ZNF483: variants seen among roughly 807,000 people sequenced by gnomAD.
ZNF483 encodes the protein zinc finger protein 483.
A neutral mutation model predicts 28.6 loss-of-function variants in ZNF483; 9 were observed. The ratio of observed to expected loss-of-function variants is 0.32; its 90% CI spans 0.19 to 0.55. The LOEUF is 0.55. ZNF483 is among the 20% of genes least tolerant of loss of function. The pLI, the probability that ZNF483 is intolerant of heterozygous loss-of-function variation, is 0.93. For synonymous variants in ZNF483, 322 were observed against 306.2 expected, an observed-to-expected ratio of 1.05 and a Z score of -0.54; for missense variants, 675 against 871.7, an observed-to-expected ratio of 0.77 and a Z score of 2.84.
intron 1 of ZNF483, among the ~76,000 whole-genome samples, chr9:111,526,986 G>C (rs1397188928): frequency 6.6e-6 from 1 of 151,954 alleles, no homozygotes; most frequent in Non-Finnish European, 1.5e-5. Context: ...TATAATCCCA[G>C]CTACTCAAGA....
At chr9:111,529,194 C>T (rs560930195) in intron 2 of ZNF483, among the ~76,000 whole-genome samples, 1 of 151,366 alleles carries the variant, frequency 6.6e-6, no homozygotes, top group East Asian at 1.9e-4. Context: ...TTCTTAAATT[C>T]ACCCCACTTT....
At chr9:111,559,822 G>C (rs967199872), downstream of ZNF483, among the ~76,000 whole-genome samples, 8 of 152,162 alleles carry the variant, frequency 5.3e-5, no homozygotes, top group African/African-American at 1.9e-4. Context: ...GGTAAGAAAA[G>C]AGGACACGGG....
intron 5 of ZNF483, among the ~76,000 whole-genome samples, chr9:111,567,713 T>G (rs1471240992): frequency 6.6e-6 from 1 of 152,174 alleles, no homozygotes; most frequent in Non-Finnish European, 1.5e-5. Context: ...ACGGCAGGAT[T>G]TGATTTGTGC....
chr9:111,541,937 A>G lies in ZNF483; in HGVS notation c.1002A>G (p.Glu334=). The G allele has an allele frequency of 6.2e-7, 1 of 1,614,150 alleles. No individual in the cohort carries two copies. Residue 334 remains glutamate, a synonymous_variant, in exon 6 of 6, where the codon GAA becomes GAG. Transcript: ENST00000309235. ...GGAAGAAATCTCGGAGGTATAATGAAAGCAAGAAACCCTTCAGTTTTCATT... is the reference window on the plus strand; with the variant it reads ...GGAAGAAATCTCGGAGGTATAATGAGAGCAAGAAACCCTTCAGTTTTCATT... ...YLRKKSRRYN[E]SKKPFSFHSD... is the part of the protein sequence containing the mutation.
chr9:111,545,435 A>G lies in ZNF483; in HGVS notation c.*2265A>G, dbSNP rs1827783336. On this transcript the variant is annotated 3_prime_UTR_variant, in exon 6 of 6. Transcript: ENST00000309235. The stretch of plus-strand genomic sequence containing the variant: ...TTTAAAGGAATTTATTGAGGTACAA[A>G]TTACATATCATTAAAACCATTTCAA... 6.6e-6 allele frequency among the ~76,000 whole-genome samples: 1 copy of G among 152,178 alleles called. No homozygotes were observed. Among genetic ancestry groups the G allele is most frequent in the Non-Finnish European group, 1.5e-5 (1 of 68,036 alleles).
chr9:111,552,153 A>G lies in ZNF483; in HGVS notation c.*8983A>G, dbSNP rs576808063. Among the ~76,000 whole-genome samples the G allele has an allele frequency of 1.3e-5, 2 of 152,356 alleles. No individual in the cohort carries two copies. Among genetic ancestry groups the G allele is most frequent in the African/African-American group, 4.8e-5 (2 of 41,588 alleles). On this transcript the variant is annotated 3_prime_UTR_variant, in exon 6 of 6. Coordinates refer to ENST00000309235, the MANE Select transcript of ZNF483 (RefSeq NM_133464.5). ...AGTGCTACTTTTTGTCTTTGATTGAATATTTGGTAAGCATTTCTTTTGTTT... is the reference window on the plus strand; with the variant it reads ...AGTGCTACTTTTTGTCTTTGATTGAGTATTTGGTAAGCATTTCTTTTGTTT...
rs1827715298 is a variant in ZNF483, at chr9:111,543,215, A to T, written c.*45A>T. 1 of 1,542,020 alleles carries T rather than the reference A, an allele frequency of 6.5e-7. No homozygotes were observed. Among genetic ancestry groups the T allele is most frequent in the Admixed American group, 2.0e-5 (1 of 50,674 alleles). On this transcript the variant is annotated 3_prime_UTR_variant, in exon 6 of 6. Transcript: ENST00000309235. ...TGGGGGGAATTTAATTCAAATTGTC[A>T]GTTACTGAAACCCTGGGATGTAAAC... is the stretch of plus-strand genomic sequence containing the variant.
intron 5 of ZNF483, among the ~76,000 whole-genome samples, chr9:111,538,368 A>G (rs577833432): frequency 6.6e-6 from 1 of 152,044 alleles, no homozygotes; most frequent in South Asian, 2.1e-4. Flanking sequence ...TTTAAACATC[A>G]GCCAGGCACA....
rs567904824 is a variant in ZNF483 at position 111,552,554 on chromosome 9, A to G, written c.*9384A>G. ...GATAGAAACTAACTTTTCTGTCTCT[A>G]ACTGAAATTCTTTGACAGATGGAAG... On this transcript the variant is annotated 3_prime_UTR_variant, in exon 6 of 6. Coordinates refer to ENST00000309235, the MANE Select transcript of ZNF483 (RefSeq NM_133464.5). Among the ~76,000 whole-genome samples the G allele has an allele frequency of 6.6e-6, 1 of 152,292 alleles. No individual in the cohort carries two copies. Among genetic ancestry groups the G allele is most frequent in the South Asian group, 2.1e-4 (1 of 4,820 alleles).
intron 5 of ZNF483, chr9:111,563,086 T>C (rs1023043132): frequency 6.2e-7 from 1 of 1,607,090 alleles, no homozygotes; most frequent in Non-Finnish European, 8.5e-7. Flanking sequence ...TAACTAATCA[T>C]CTAAATGGCC....
chr9:111,529,197 C>G (rs1393760232), intron 2 of ZNF483, among the ~76,000 whole-genome samples: 2 of 151,582 alleles, frequency 1.3e-5, no homozygotes, highest in East Asian at 1.9e-4. Context: ...TTAAATTCAC[C>G]CCACTTTTCT....
chr9:111,572,279 T>C (rs756546169), intron 5 of ZNF483, among the ~76,000 whole-genome samples: 2 of 152,206 alleles, frequency 1.3e-5, no homozygotes, highest in South Asian at 4.1e-4. Context: ...AGTTAGGGAT[T>C]GGAACTCTCA....
downstream of ZNF483, among the ~76,000 whole-genome samples, chr9:111,556,564 T>G (rs1828129384): frequency 6.6e-6 from 1 of 152,194 alleles, no homozygotes; most frequent in Non-Finnish European, 1.5e-5. Flanking sequence ...AAACCTCAAC[T>G]CTTGTCTTCT....
At position 111,541,691 on chromosome 9, in the gene ZNF483, C is replaced by T. The variant is rs778457807; in HGVS notation, c.756C>T (p.Cys252=). Reference sequence around the variant, plus strand: ...CTTTAGATAAAATAATAGAAAGGTGCCTCAGGGATGATGATCATGGCTTGA... The same window carrying T: ...CTTTAGATAAAATAATAGAAAGGTGTCTCAGGGATGATGATCATGGCTTGA... ...ESALDKIIER[C]LRDDDHGLME... Residue 252 remains cysteine (C), a synonymous_variant, in exon 6 of 6, where the codon TGC becomes TGT. Transcript: ENST00000309235. 1.2e-6 allele frequency: 2 copies of T among 1,612,326 alleles called. No homozygotes were observed. Among genetic ancestry groups the T allele is most frequent in the East Asian group, 4.5e-5 (2 of 44,866 alleles).
intron 2 of ZNF483, 99 bp from the exon 3 acceptor site, chr9:111,530,776 T>TACAC (rs1258329483): frequency 4.3e-5 from 2 of 47,012 alleles, no homozygotes; most frequent in African/African-American, 2.5e-4. Flanking sequence ...TATATATATA[T>TACAC]ATATATATAT....
At chr9:111,558,463 A>G (rs77125849), downstream of ZNF483, among the ~76,000 whole-genome samples, 10,220 of 152,200 alleles carry the variant, frequency 0.067, 463 homozygotes, top group African/African-American at 0.12. Context: ...GGATCTCTTT[A>G]GCCTGGGAGT....
chr9:111,560,966 TATATATATAGAGAGAGAGAG>T (rs1370764195), intron 5 of ZNF483, among the ~76,000 whole-genome samples: 2 of 45,356 alleles, frequency 4.4e-5, no homozygotes, highest in Non-Finnish European at 4.0e-5. Flanking sequence ...TATATATATA[TATATATATAGAGAGAGAGAG>T]AGAGAGAGAG....
In ZNF483 at chr9:111,553,420, T is replaced by A. The variant is rs146320395; in HGVS notation, c.*10250T>A. ...AATTATAATGAAAATATTAAGTATC[T>A]CATTTTAGGATTCTGATTTACATAG... On this transcript the variant is annotated 3_prime_UTR_variant, in exon 6 of 6. Transcript: ENST00000309235. Among the ~76,000 whole-genome samples the A allele has an allele frequency of 6.6e-6, 1 of 152,334 alleles. No individual in the cohort carries two copies. Among genetic ancestry groups the A allele is most frequent in the East Asian group, 1.9e-4 (1 of 5,186 alleles).
chr9:111,564,348 T>G, intron 5 of ZNF483: 1 of 505,922 alleles, frequency 2.0e-6, no homozygotes, highest in Non-Finnish European at 2.7e-6. Flanking sequence ...CTCTGTCACC[T>G]AGGTTTGAGT....
Sources: allele counts gnomAD v4.1 joint callset (sites outside exome capture counted in the v4.1 genomes callset), GRCh38; gene constraint gnomAD v4.1.1; transcripts MANE v1.5; gene names NCBI Gene and HGNC (gene_info 2026-07-23, HGNC 2026-07-21).